The following DCBLD1 variants were observed in gnomAD, a reference collection of about 807,000 sequenced individuals.
DCBLD1 encodes discoidin, CUB and LCCL domain containing 1.
Under a neutral mutation model 71.5 loss-of-function variants are expected in DCBLD1, and 57 were observed. The ratio of observed to expected loss-of-function variants is 0.80; its 90% CI spans 0.64 to 0.99. DCBLD1 has a LOEUF of 0.99. Ranked by LOEUF, DCBLD1 falls within the 50% of genes least tolerant of loss-of-function variation. DCBLD1 has a pLI of 0.00. For missense variants in DCBLD1, 891 were observed against 923.5 expected, an observed-to-expected ratio of 0.96 and a Z score of 0.46; for synonymous variants, 380 against 363.8, an observed-to-expected ratio of 1.04 and a Z score of -0.51.
chr6:117,485,467 C>T (rs940759770), intron 1 of DCBLD1, among the ~76,000 whole-genome samples: 1 of 152,204 alleles, frequency 6.6e-6, no homozygotes, highest in African/African-American at 2.4e-5. Flanking sequence ...ATAGGATCAG[C>T]TGATAGATGA....
At chr6:117,483,545 A>G (rs1366035542) in intron 1 of DCBLD1, among the ~76,000 whole-genome samples, 1 of 152,160 alleles carries the variant, frequency 6.6e-6, no homozygotes, top group Non-Finnish European at 1.5e-5. Context: ...TAGACTCTCA[A>G]CCAGGCTGCT....
chr6:117,526,836 T>A, intron 5 of DCBLD1, among the ~76,000 whole-genome samples: 1 of 152,366 alleles, frequency 6.6e-6, no homozygotes, highest in Non-Finnish European at 1.5e-5. Context: ...AGGCTTAAAG[T>A]GGCACATATT....
chr6:117,534,043 T>G (rs1156401490), intron 6 of DCBLD1, among the ~76,000 whole-genome samples: 1 of 152,238 alleles, frequency 6.6e-6, no homozygotes, highest in Non-Finnish European at 1.5e-5. Flanking sequence ...TCATGATATT[T>G]GTGTTCTCTG....
At chr6:117,533,837 T>C (rs1252336530) in intron 6 of DCBLD1, among the ~76,000 whole-genome samples, 1 of 151,828 alleles carries the variant, frequency 6.6e-6, no homozygotes, top group African/African-American at 2.4e-5. Flanking sequence ...GGCTGGCTGG[T>C]GGGTGTCTGT....
downstream of DCBLD1, among the ~76,000 whole-genome samples, chr6:117,552,835 T>A (rs1779449348): frequency 6.6e-6 from 1 of 152,178 alleles, no homozygotes; most frequent in African/African-American, 2.4e-5. Flanking sequence ...CCCCCTGAGT[T>A]CTTCAGCTTT....
rs772498841 is a variant in DCBLD1 at position 117,532,386 on chromosome 6, T to C, written c.712T>C (p.Ser238Pro). 8 of 1,605,842 alleles carry C rather than the reference T, an allele frequency of 5.0e-6. No individual in the cohort carries two copies. Among genetic ancestry groups the C allele is most frequent in the Non-Finnish European group, 6.8e-6 (8 of 1,177,794 alleles). Residue 238 changes from serine (S) to proline (P), a missense_variant, in exon 6 of 15, where the codon TCG (serine) becomes CCG (proline). Ser to Pro is a moderately conservative substitution (Grantham distance 74). Coordinates refer to ENST00000338728, the MANE Select transcript of DCBLD1 (RefSeq NM_001366458.2). ...AGGGATTCTGGCCAATGGTGTTCTTTCGAGGGAGTAAGTATTTTTTTTCAG... is the reference window on the plus strand; with the variant it reads ...AGGGATTCTGGCCAATGGTGTTCTTCCGAGGGAGTAAGTATTTTTTTTCAG... ...YEGILANGVL[S>P]RDGSLSDKRF...
At chr6:117,516,841 T>C (rs1778216580) in intron 2 of DCBLD1, among the ~76,000 whole-genome samples, 1 of 152,150 alleles carries the variant, frequency 6.6e-6, no homozygotes, top group African/African-American at 2.4e-5. Context: ...ATGAGACTTA[T>C]TCACTATCAT....
chr6:117,549,336 T>C lies in DCBLD1; in HGVS notation c.*897T>C. The stretch of plus-strand genomic sequence containing the variant: ...GAAAAACAAAGTTATTTGGAACATG[T>C]TCATGCAAAAGTGATTCTGACCAAG... On this transcript the variant is annotated 3_prime_UTR_variant, in exon 15 of 15. Transcript: ENST00000338728. 1 of 985,458 alleles carries C rather than the reference T, an allele frequency of 1.0e-6. No homozygotes were observed. Among genetic ancestry groups the C allele is most frequent in the Non-Finnish European group, 1.2e-6 (1 of 829,944 alleles). The allele number at this position is 985,458 out of a possible 1,614,324, so 61.0% of individuals were successfully genotyped here.
At chr6:117,538,936 C>A in intron 8 of DCBLD1, 101 bp downstream of exon 8, 1 of 1,199,034 alleles carries the variant, frequency 8.3e-7, no homozygotes, top group Non-Finnish European at 1.2e-6. Flanking sequence ...TGCTTCTCTA[C>A]CTACCTCCAA....
intron 2 of DCBLD1, among the ~76,000 whole-genome samples, chr6:117,506,074 T>C (rs933674041): frequency 8.5e-5 from 13 of 152,356 alleles, no homozygotes; most frequent in African/African-American, 3.1e-4. Context: ...GTATTATTAT[T>C]ATCATTCATT....
chr6:117,540,807 T>C lies in DCBLD1; in HGVS notation c.1241T>C (p.Ile414Thr). The C allele has an allele frequency of 6.2e-7, 1 of 1,614,208 alleles. No homozygotes were observed. Among genetic ancestry groups the C allele is most frequent in the South Asian group, 1.1e-5 (1 of 91,084 alleles). ...ALKVELIGCQ[I>T]TQGNDSLVWR... ...AAGGTGGAGCTCATTGGTTGCCAGA[T>C]TACACAAGGTAGGGCTCAGGGCAAG... Residue 414 changes from isoleucine to threonine, a missense_variant, in exon 10 of 15, where the codon ATT becomes ACT. By Grantham distance (89) the Ile-to-Thr change is moderately conservative. Coordinates refer to ENST00000338728, the MANE Select transcript of DCBLD1 (RefSeq NM_001366458.2).
intron 14 of DCBLD1, 187 bp from the exon 15 acceptor site, chr6:117,547,719 CG>C (rs1228074142): frequency 8.1e-7 from 1 of 1,235,550 alleles, no homozygotes; most frequent in African/African-American, 1.5e-5. Flanking sequence ...GCAGGCGGTG[CG>C]GTTGTGTACT....
At chr6:117,497,820 A>G (rs2114400041) in intron 1 of DCBLD1, among the ~76,000 whole-genome samples, 1 of 152,306 alleles carries the variant, frequency 6.6e-6, no homozygotes, top group East Asian at 1.9e-4. Context: ...TGTTAGGTGA[A>G]TTTGGTAGTT....
intron 4 of DCBLD1, among the ~76,000 whole-genome samples, chr6:117,524,784 A>T (rs1778494833): frequency 6.6e-6 from 1 of 152,168 alleles, no homozygotes; most frequent in Non-Finnish European, 1.5e-5. Context: ...ATATATTATT[A>T]ATTTTGCATA....
At chr6:117,524,987 A>G (rs1171043998) in intron 4 of DCBLD1, among the ~76,000 whole-genome samples, 1 of 152,152 alleles carries the variant, frequency 6.6e-6, no homozygotes, top group Non-Finnish European at 1.5e-5. Flanking sequence ...TTTTATCCAT[A>G]GAAAACAAAA....
Position 117,548,027 on chromosome 6 carries a change from A to T in DCBLD1, c.1736A>T (p.Asp579Val), listed in dbSNP as rs959059844. 4 of 1,549,906 alleles carry T rather than the reference A, an allele frequency of 2.6e-6. No individual in the cohort carries two copies. The highest frequency in any genetic ancestry group is 2.6e-6 in the Non-Finnish European group (3 of 1,146,626). Residue 579 changes from aspartate to valine, a missense_variant, in exon 15 of 15, where the codon GAC becomes GTC. By Grantham distance (152) the Asp-to-Val change is radical. Coordinates refer to ENST00000338728, the MANE Select transcript of DCBLD1 (RefSeq NM_001366458.2). ...AGCACCGATGCCGGCGGCCACTATG[A>T]CTGCCCGCAGCGGGCCGGCCGCCAC... ...GVSTDAGGHY[D>V]CPQRAGRHEY...
intron 4 of DCBLD1, among the ~76,000 whole-genome samples, chr6:117,523,705 T>A (rs1452738834): frequency 2.0e-5 from 3 of 152,126 alleles, no homozygotes; most frequent in Non-Finnish European, 4.4e-5. Flanking sequence ...TGGGAAAAAA[T>A]TATGGAATAT....
intron 1 of DCBLD1, among the ~76,000 whole-genome samples, chr6:117,490,637 A>T (rs1777259488): frequency 6.6e-6 from 1 of 151,674 alleles, no homozygotes; most frequent in African/African-American, 2.4e-5. Flanking sequence ...TGAGATTCTT[A>T]ATTTGTATTG....
intron 1 of DCBLD1, 30 bp downstream of exon 1, chr6:117,482,923 G>T: frequency 2.6e-6 from 3 of 1,174,780 alleles, no homozygotes; most frequent in South Asian, 6.5e-5. Flanking sequence ...CTGGCGGCGG[G>T]ACCCGAGGCG....
Sources: allele counts gnomAD v4.1 joint callset (sites outside exome capture counted in the v4.1 genomes callset), GRCh38; gene constraint gnomAD v4.1.1; transcripts MANE v1.5; gene names NCBI Gene and HGNC (gene_info 2026-07-23, HGNC 2026-07-21).